THRB: variants seen among roughly 807,000 people sequenced by gnomAD.
The protein encoded by THRB is nuclear receptor subfamily 1 group A member 2.
THRB carries 12 observed loss-of-function variants against 47.8 expected under a neutral mutation model. That is an observed-to-expected ratio of 0.25 (90% CI 0.16 to 0.41). The LOEUF (loss-of-function observed/expected upper bound fraction) is 0.41. Among genes scored for constraint, THRB ranks in the 10% least tolerant of loss-of-function variants. The pLI, the probability that THRB is intolerant of heterozygous loss-of-function variation, is 1.00. For synonymous variants in THRB, 218 were observed against 212.2 expected, an observed-to-expected ratio of 1.03 and a Z score of -0.24; for missense variants, 348 against 589.2, an observed-to-expected ratio of 0.59 and a Z score of 4.24.
At chr3:24,176,907 A>C (rs1476311036) in intron 5 of THRB, among the ~76,000 whole-genome samples, 1 of 152,206 alleles carries the variant, frequency 6.6e-6, no homozygotes, top group Non-Finnish European at 1.5e-5. Context: ...CAATCATTGA[A>C]CTATACACTT....
chr3:24,288,635 G>T (rs537100228), intron 3 of THRB, among the ~76,000 whole-genome samples: 2 of 152,096 alleles, frequency 1.3e-5, no homozygotes, highest in Non-Finnish European at 2.9e-5. Flanking sequence ...TTTTTCTGCC[G>T]ATATAAGCAA....
chr3:24,306,802 C>T (rs1390099374), intron 2 of THRB, among the ~76,000 whole-genome samples: 1 of 152,168 alleles, frequency 6.6e-6, no homozygotes, highest in African/African-American at 2.4e-5. Flanking sequence ...TTTGATGAAA[C>T]TTCTCAAGAG....
At chr3:24,158,696 C>T (rs1040610333) in intron 5 of THRB, among the ~76,000 whole-genome samples, 10 of 152,224 alleles carry the variant, frequency 6.6e-5, no homozygotes, top group Non-Finnish European at 1.5e-4. Context: ...TCCCAAGGTG[C>T]TGGGATTATA....
intron 4 of THRB, among the ~76,000 whole-genome samples, chr3:24,216,550 G>A (rs2046585107): frequency 6.6e-6 from 1 of 152,112 alleles, no homozygotes; most frequent in African/African-American, 2.4e-5. Context: ...GGAGCTTGCA[G>A]TGAGCCGAGA....
At chr3:24,134,435 A>T (rs2148905311) in intron 8 of THRB, among the ~76,000 whole-genome samples, 1 of 152,216 alleles carries the variant, frequency 6.6e-6, no homozygotes, top group Non-Finnish European at 1.5e-5. Context: ...TTTGTGGCCT[A>T]CAAGTGAGCC....
At chr3:24,405,048 T>C (rs1260369408) in intron 1 of THRB, among the ~76,000 whole-genome samples, 1 of 152,020 alleles carries the variant, frequency 6.6e-6, no homozygotes, top group African/African-American at 2.4e-5. Context: ...TTTGCCTCTT[T>C]CACTGTGTGA....
intron 2 of THRB, among the ~76,000 whole-genome samples, chr3:24,302,448 C>T (rs1195828900): frequency 2.0e-5 from 3 of 152,102 alleles, no homozygotes; most frequent in South Asian, 2.1e-4. Context: ...GTGAAAATTC[C>T]ATCTCCATTT....
At chr3:24,256,468 T>G (rs1422293361) in intron 3 of THRB, among the ~76,000 whole-genome samples, 1 of 152,124 alleles carries the variant, frequency 6.6e-6, no homozygotes, top group Non-Finnish European at 1.5e-5. Context: ...AATGGTGATA[T>G]GCTTTAAAAA....
At chr3:24,428,187 C>T (rs1349499147) in intron 1 of THRB, among the ~76,000 whole-genome samples, 2 of 151,986 alleles carry the variant, frequency 1.3e-5, no homozygotes, top group Non-Finnish European at 2.9e-5. Context: ...TAATCTTTTT[C>T]CTCTCCTACA....
At chr3:24,367,682 G>A (rs963528954) in intron 1 of THRB, among the ~76,000 whole-genome samples, 3 of 152,162 alleles carry the variant, frequency 2.0e-5, no homozygotes, top group African/African-American at 7.2e-5. Flanking sequence ...GTTGTAACAT[G>A]CTTTGAAAAT....
At chr3:24,196,707 C>T (rs191703975) in intron 4 of THRB, among the ~76,000 whole-genome samples, 3 of 152,326 alleles carry the variant, frequency 2.0e-5, no homozygotes, top group South Asian at 4.1e-4. Context: ...GCCTGGAAAG[C>T]ATTGGGCCAT....
At chr3:24,468,857 T>C (rs915202881) in intron 1 of THRB, among the ~76,000 whole-genome samples, 2 of 152,098 alleles carry the variant, frequency 1.3e-5, no homozygotes, top group Non-Finnish European at 2.9e-5. Context: ...GCTTGACGCA[T>C]AGTTGCCACA....
chr3:24,205,223 G>A (rs1336899794), intron 4 of THRB, among the ~76,000 whole-genome samples: 1 of 152,162 alleles, frequency 6.6e-6, no homozygotes, highest in Non-Finnish European at 1.5e-5. Context: ...AAGTTGAAAT[G>A]AAGGAAAAAA....
intron 1 of THRB, among the ~76,000 whole-genome samples, chr3:24,454,932 C>T (rs2073023017): frequency 6.6e-6 from 1 of 151,950 alleles, no homozygotes; most frequent in Non-Finnish European, 1.5e-5. Flanking sequence ...TCAACAGCAC[C>T]ATAGAAAATG....
At chr3:24,211,987 G>A (rs1559616024) in intron 4 of THRB, among the ~76,000 whole-genome samples, 3 of 152,200 alleles carry the variant, frequency 2.0e-5, no homozygotes, top group Non-Finnish European at 4.4e-5. Flanking sequence ...ATTGAGGCTG[G>A]GCACGGTGGT....
chr3:24,222,407 G>A (rs2047239861), intron 4 of THRB, among the ~76,000 whole-genome samples: 1 of 152,152 alleles, frequency 6.6e-6, no homozygotes, highest in Non-Finnish European at 1.5e-5. Context: ...TCTTGAAGGT[G>A]GAGGTAGTAG....
At chr3:24,340,292 T>C (rs1374085330) in intron 1 of THRB, among the ~76,000 whole-genome samples, 1 of 151,982 alleles carries the variant, frequency 6.6e-6, no homozygotes, top group Non-Finnish European at 1.5e-5. Flanking sequence ...TTTAAAGGGG[T>C]TAATATTAGA....
chr3:24,347,484 A>G (rs1424841773), intron 1 of THRB, among the ~76,000 whole-genome samples: 1 of 151,898 alleles, frequency 6.6e-6, no homozygotes, highest in Non-Finnish European at 1.5e-5. Context: ...TGAAAATACT[A>G]ATAAAATCAT....
At chr3:24,340,150 T>C (rs949300913) in intron 1 of THRB, among the ~76,000 whole-genome samples, 1 of 152,236 alleles carries the variant, frequency 6.6e-6, no homozygotes, top group African/African-American at 2.4e-5. Context: ...ATGTTATTTA[T>C]AAATGGCTCT....
Sources: gnomAD v4.1 joint callset for allele counts (sites outside exome capture counted in the v4.1 genomes callset) on GRCh38, gnomAD v4.1.1 for gene constraint, MANE v1.5 for transcripts, NCBI Gene and HGNC (gene_info 2026-07-23, HGNC 2026-07-21) for gene names.